The following LRRC49 variants were observed in gnomAD, a reference collection of about 807,000 sequenced individuals.
The protein encoded by LRRC49 is leucine rich repeat containing 49.
In LRRC49, 50 loss-of-function variants were observed where a neutral mutation model predicts 83.3. That is an observed-to-expected ratio of 0.60 (90% confidence interval 0.48 to 0.76). The LOEUF is 0.76. Ranked by LOEUF, LRRC49 falls within the 30% of genes least tolerant of loss-of-function variation. The pLI, the probability that LRRC49 is intolerant of heterozygous loss-of-function variation, is 0.00. For synonymous variants in LRRC49, 286 were observed against 283.3 expected (o/e 1.01, Z -0.10); for missense variants, 704 against 809.1 (o/e 0.87, Z 1.58).
chr15:70,981,905 T>C (rs945345119), intron 10 of LRRC49, among the ~76,000 whole-genome samples: 11 of 149,940 alleles, frequency 7.3e-5, no homozygotes, highest in Non-Finnish European at 1.6e-4. Flanking sequence ...TTTTTTTTTT[T>C]TTTTTTCCTC....
At chr15:71,043,803 G>A (rs2039767553) in intron 15 of LRRC49, among the ~76,000 whole-genome samples, 1 of 152,122 alleles carries the variant, frequency 6.6e-6, no homozygotes, top group African/African-American at 2.4e-5. Flanking sequence ...TGCCAGTTAT[G>A]AAGAATTTAT....
intron 11 of LRRC49, among the ~76,000 whole-genome samples, chr15:71,000,953 T>C (rs1011858306): frequency 1.3e-5 from 2 of 152,198 alleles, no homozygotes; most frequent in African/African-American, 4.8e-5. Context: ...CACTCTCTGC[T>C]TTCCTCCTAG....
Position 70,975,796 on chromosome 15 carries a change from C to CA in LRRC49, c.922-4294dup, listed in dbSNP as rs540783742. ...GTGAACTTGTTTACAATTTGCTCTC[C>CA]AAAAAAAAAAAGGAGCTCATCTCAT... is the stretch of plus-strand genomic sequence containing the variant. On this transcript the variant is annotated intron_variant, in intron 9 of 15. Coordinates refer to ENST00000260382, the MANE Select transcript of LRRC49 (RefSeq NM_017691.5). 4.1e-4 allele frequency among the ~76,000 whole-genome samples: 59 copies of CA among 142,570 alleles called. 1 individual carries two copies. The highest frequency in any genetic ancestry group is 5.4e-4 in the African/African-American group (21 of 38,966). The allele number at this position is 142,570 out of a possible 152,430, so 93.5% of individuals were successfully genotyped here.
At chr15:70,976,843 GT>G (rs1015920068) in intron 9 of LRRC49, among the ~76,000 whole-genome samples, 2 of 151,716 alleles carry the variant, frequency 1.3e-5, no homozygotes, top group Non-Finnish European at 2.9e-5. Context: ...ACAATTAGAG[GT>G]TTTTTTTCTA....
chr15:70,886,885 G>T lies in LRRC49; in HGVS notation c.19-6699G>T, dbSNP rs576548120. ...TGTCTAAAAAAGAAAAAAAAAAATC[G>T]ATAAACCATCTGGTGAAGCTGATCA... On this transcript the variant is annotated intron_variant, in intron 2 of 16. Transcript: ENST00000544974. Among the ~76,000 whole-genome samples the T allele has an allele frequency of 7.9e-5, 12 of 151,536 alleles. 1 individual carries two copies. In the South Asian group the frequency reaches 2.5e-3, roughly 32 times the overall value.
Position 70,984,110 on chromosome 15 carries a change from CAATT to C in LRRC49, c.1025_1028del (p.Ile342ThrfsTer3). ...TTTTCATAGGAGAAGAAAAGGTTAA[CAATT>C]AACAACGTAGCTCGACAGTGGGACT... On this transcript the variant is annotated frameshift_variant, in exon 11 of 16. Coordinates refer to ENST00000260382, the MANE Select transcript of LRRC49 (RefSeq NM_017691.5). LOFTEE classifies it high-confidence loss of function. 1 of 1,611,968 alleles carries C rather than the reference CAATT, an allele frequency of 6.2e-7. No homozygotes were observed. Among genetic ancestry groups the C allele is most frequent in the Non-Finnish European group, 8.5e-7 (1 of 1,179,212 alleles).
intron 14 of LRRC49, among the ~76,000 whole-genome samples, chr15:71,027,200 A>G (rs971120044): frequency 2.0e-5 from 3 of 152,186 alleles, no homozygotes; most frequent in South Asian, 2.1e-4. Flanking sequence ...TAAATAGGGA[A>G]TCCTTTCCCC....
chr15:70,883,417 C>T (rs1324127907), intron 2 of LRRC49, among the ~76,000 whole-genome samples: 1 of 152,126 alleles, frequency 6.6e-6, no homozygotes, highest in Non-Finnish European at 1.5e-5. Flanking sequence ...TGGTCTCGAA[C>T]TCCTAACCTC....
chr15:70,963,275 C>CAA (rs765094754), intron 8 of LRRC49, among the ~76,000 whole-genome samples: 65 of 70,310 alleles, frequency 9.2e-4, no homozygotes, highest in Middle Eastern at 7.1e-3. Flanking sequence ...GACCTGGTCT[C>CAA]AAAAAAAAAA....
At chr15:70,909,580 C>T (rs1596007548) in intron 5 of LRRC49, among the ~76,000 whole-genome samples, 1 of 152,108 alleles carries the variant, frequency 6.6e-6, no homozygotes, top group African/African-American at 2.4e-5. Flanking sequence ...GTGGCTCATG[C>T]CTGGAATCCC....
intron 2 of LRRC49, among the ~76,000 whole-genome samples, chr15:70,895,025 A>C (rs1323852498): frequency 6.6e-6 from 1 of 152,088 alleles, no homozygotes; most frequent in Non-Finnish European, 1.5e-5. Flanking sequence ...TCATCTAAAT[A>C]TTTTTTCCAA....
upstream of LRRC49, chr15:70,891,882 T>C: frequency 6.2e-7 from 1 of 1,611,810 alleles, no homozygotes. Context: ...CGGGGGCGTG[T>C]ACAGGAGACT....
intron 9 of LRRC49, among the ~76,000 whole-genome samples, chr15:70,973,124 T>C (rs913333655): frequency 3.9e-5 from 6 of 152,190 alleles, no homozygotes; most frequent in African/African-American, 1.4e-4. Context: ...CGTGGATTTA[T>C]CCACCTTTGG....
intron 3 of LRRC49, chr15:70,900,546 C>T (rs1402886792): frequency 2.2e-6 from 1 of 457,288 alleles, no homozygotes; most frequent in East Asian, 6.9e-5. Flanking sequence ...ATCCAGAATC[C>T]AGCAGGGCTG....
intron 2 of LRRC49, among the ~76,000 whole-genome samples, chr15:70,878,317 T>G (rs2033195051): frequency 6.6e-6 from 1 of 152,252 alleles, no homozygotes; most frequent in Non-Finnish European, 1.5e-5. Flanking sequence ...AGTAGCTTTT[T>G]AATAGATTTC....
At chr15:70,944,379 T>G (rs1463968089) in intron 8 of LRRC49, among the ~76,000 whole-genome samples, 2 of 152,126 alleles carry the variant, frequency 1.3e-5, no homozygotes, top group African/African-American at 4.8e-5. Context: ...AAACACATAG[T>G]TCTTAGAGAT....
chr15:70,926,129 A>G (rs2141141683), intron 7 of LRRC49, among the ~76,000 whole-genome samples: 1 of 152,304 alleles, frequency 6.6e-6, no homozygotes, highest in South Asian at 2.1e-4. Context: ...GCTGTATTCC[A>G]TTGTTGAAAT....
chr15:70,942,463 G>T (rs1466813571), intron 8 of LRRC49, among the ~76,000 whole-genome samples: 1 of 152,086 alleles, frequency 6.6e-6, no homozygotes, highest in African/African-American at 2.4e-5. Flanking sequence ...CAGAAACAAA[G>T]TATAAGTATA....
chr15:70,921,397 G>A (rs1332349398), intron 7 of LRRC49, among the ~76,000 whole-genome samples: 7 of 152,096 alleles, frequency 4.6e-5, no homozygotes, highest in Admixed American at 2.6e-4. Flanking sequence ...CAGTTCCTTA[G>A]GCTCTAGCTG....
Sources: allele counts gnomAD v4.1 joint callset (sites outside exome capture counted in the v4.1 genomes callset), GRCh38; gene constraint gnomAD v4.1.1; transcripts MANE v1.5; gene names NCBI Gene and HGNC (gene_info 2026-07-23, HGNC 2026-07-21).